PRRC2B: variants seen among roughly 807,000 people sequenced by gnomAD.
PRRC2B encodes proline rich coiled-coil 2B.
In PRRC2B, 68 loss-of-function variants were observed where a neutral mutation model predicts 242.3. That is an observed-to-expected ratio of 0.28 (90% CI 0.23 to 0.34). The LOEUF (loss-of-function observed/expected upper bound fraction) is 0.34. Ranked by LOEUF, PRRC2B falls within the 10% of genes least tolerant of loss-of-function variation. The pLI, the probability that PRRC2B is intolerant of heterozygous loss-of-function variation, is 1.00. For missense variants in PRRC2B, 2,835 were observed against 2,954.8 expected (o/e 0.96, Z 0.94); for synonymous variants, 1,228 against 1,173.6 (o/e 1.05, Z -0.95).
At chr9:131,423,666 T>C (rs1442314190) in intron 1 of PRRC2B, among the ~76,000 whole-genome samples, 2 of 152,222 alleles carry the variant, frequency 1.3e-5, no homozygotes, top group African/African-American at 4.8e-5. Flanking sequence ...AGGCAGTAAC[T>C]GTTCTGGGCT....
At chr9:131,491,631 C>T (rs1944198363) in intron 29 of PRRC2B, 51 bp downstream of exon 29, 1 of 1,506,322 alleles carries the variant, frequency 6.6e-7, no homozygotes, top group Non-Finnish European at 8.9e-7. Context: ...CTTGTGTCAC[C>T]AACTTTTTCT....
At chr9:131,483,238 A>G in intron 22 of PRRC2B, 121 bp from the exon 23 acceptor site, 1 of 942,340 alleles carries the variant, frequency 1.1e-6, no homozygotes, top group Non-Finnish European at 1.7e-6. Context: ...ATGTGGCTCC[A>G]GTGAATGCTG....
At chr9:131,489,761 C>T (rs1247673467) in intron 28 of PRRC2B, among the ~76,000 whole-genome samples, 3 of 152,132 alleles carry the variant, frequency 2.0e-5, no homozygotes, top group Non-Finnish European at 4.4e-5. Flanking sequence ...GGGGCCCTGC[C>T]CCAGCACATC....
Position 131,466,767 on chromosome 9 carries a change from G to T in PRRC2B, c.1721-796G>T, listed in dbSNP as rs566615981. 8.6e-5 allele frequency among the ~76,000 whole-genome samples: 13 copies of T among 152,028 alleles called. No individual in the cohort carries two copies. In the East Asian group the frequency reaches 2.3e-3, roughly 27 times the overall value. On this transcript the variant is annotated intron_variant, in intron 12 of 31. Transcript: ENST00000683519. ...CCCATATAGCTGGGATTACAGGCGA[G>T]CGCCACCATGCCTGGCTAATTTTTG...
chr9:131,492,718 C>T (rs1027929934), intron 30 of PRRC2B, among the ~76,000 whole-genome samples: 6 of 152,204 alleles, frequency 3.9e-5, no homozygotes, highest in African/African-American at 1.4e-4. Flanking sequence ...GGGGCCATTC[C>T]TTCCATGCTA....
Position 131,470,825 on chromosome 9 carries a change from AC to A in PRRC2B, c.1955del (p.Pro652ArgfsTer24), listed in dbSNP as rs1452197257. On this transcript the variant is annotated frameshift_variant, in exon 14 of 32. Coordinates refer to ENST00000683519, the MANE Select transcript of PRRC2B (RefSeq NM_013318.4). LOFTEE classifies it high-confidence loss of function. Reference protein sequence around the residue: ...LYKMQHWQPVYPPPSHPQRTF... With the variant: ...LYKMQHWQPVXPPPSHPQRTF... The stretch of plus-strand genomic sequence containing the variant: ...AAGATGCAGCACTGGCAGCCGGTGT[AC>A]CCCCCGCCGTCCCACCCCCAGCGCA... 1 of 1,608,392 alleles carries A rather than the reference AC, an allele frequency of 6.2e-7. No individual in the cohort carries two copies. Among genetic ancestry groups the A allele is most frequent in the Non-Finnish European group, 8.5e-7 (1 of 1,177,306 alleles).
rs1838710044 is a variant in PRRC2B at position 131,444,195 on chromosome 9, C to T, written c.480C>T (p.Gly160=). 3.1e-6 allele frequency: 5 copies of T among 1,613,988 alleles called. No homozygotes were observed. The highest frequency in any genetic ancestry group is 4.2e-6 in the Non-Finnish European group (5 of 1,179,872). Residue 160 remains glycine, a synonymous_variant, in exon 6 of 32, where the codon GGC becomes GGT. Transcript: ENST00000683519. ...KPVGHEGGLR[G]SSRLLSFSPE... is the part of the protein sequence containing the mutation. ...CCGTCTTCTTGACAGGTTTAAGGGG[C>T]TCAAGCCGACTGTTATCCTTCTCTC... is the stretch of plus-strand genomic sequence containing the variant.
chr9:131,401,223 A>G (rs1415319098), intron 1 of PRRC2B, among the ~76,000 whole-genome samples: 1 of 152,146 alleles, frequency 6.6e-6, no homozygotes, highest in Non-Finnish European at 1.5e-5. Flanking sequence ...TTTTAAGTGT[A>G]CAGTTGAGTG....
At position 131,425,572 on chromosome 9, in the gene PRRC2B, T is replaced by C. The variant is rs1398325169; in HGVS notation, c.-51-4522T>C. 2.0e-5 allele frequency among the ~76,000 whole-genome samples: 3 copies of C among 151,742 alleles called. No homozygotes were observed. In the East Asian group the frequency reaches 6.0e-4, roughly 30 times the overall value. Reference sequence around the variant, plus strand: ...GGCGCGATCTCAGCTCACTGCAAGCTCCCCTTCTGGGTTCATGCCATTCTC... The same window carrying C: ...GGCGCGATCTCAGCTCACTGCAAGCCCCCCTTCTGGGTTCATGCCATTCTC... On this transcript the variant is annotated intron_variant, in intron 1 of 31. Coordinates refer to ENST00000683519, the MANE Select transcript of PRRC2B (RefSeq NM_013318.4).
Position 131,475,698 on chromosome 9 carries a change from G to T in PRRC2B, c.3569G>T (p.Gly1190Val). The T allele has an allele frequency of 6.2e-7, 1 of 1,612,982 alleles. No homozygotes were observed. The highest frequency in any genetic ancestry group is 8.5e-7 in the Non-Finnish European group (1 of 1,179,644). ...AAGGGGTGCTCTGAGGACCACAGCG[G>T]TCTAGATGCCAAGAGCCGAGGCCCT... ...SNKGCSEDHS[G>V]LDAKSRGPRA... The change falls in exon 16 of 32, where the codon GGT becomes GTT. Residue 1190 changes from glycine to valine, a missense_variant. Physicochemically the swap from Gly to Val is moderately radical, Grantham distance 109 (BLOSUM62 -3). Transcript: ENST00000683519.
intron 13 of PRRC2B, 59 bp from the exon 14 acceptor site, chr9:131,470,729 G>T (rs981860063): frequency 1.4e-6 from 2 of 1,420,694 alleles, no homozygotes; most frequent in African/African-American, 2.8e-5. Context: ...CGTGTGTTGG[G>T]TGGCATCTCT....
intron 3 of PRRC2B, among the ~76,000 whole-genome samples, chr9:131,435,956 T>C (rs1490559033): frequency 6.6e-6 from 1 of 152,228 alleles, no homozygotes; most frequent in African/African-American, 2.4e-5. Flanking sequence ...GATCATGATG[T>C]TCTGTGTTAC....
At chr9:131,403,967 G>A (rs1008894781) in intron 1 of PRRC2B, among the ~76,000 whole-genome samples, 1 of 151,748 alleles carries the variant, frequency 6.6e-6, no homozygotes, top group Non-Finnish European at 1.5e-5. Flanking sequence ...AGGGATGTGG[G>A]GGTGGGTCTC....
In PRRC2B at chr9:131,476,408, G is replaced by A. The variant is rs201739719; in HGVS notation, c.4279G>A (p.Val1427Met). Reference protein sequence around the residue: ...AKRSFSSQRPVVDRQSRKLEP... With the variant: ...AKRSFSSQRPMVDRQSRKLEP... ...GAGGAGCTTCTCCAGTCAGAGACCC[G>A]TGGTTGACAGACAGAGCCGAAAGCT... The change falls in exon 16 of 32, where the codon GTG (valine) becomes ATG (methionine). Residue 1427 changes from valine (V) to methionine (M), a missense_variant. By Grantham distance (21) the Val-to-Met change is conservative (BLOSUM62 1). Transcript: ENST00000683519. The A allele has an allele frequency of 8.1e-5, 130 of 1,609,614 alleles. No individual in the cohort carries two copies. The highest frequency in any genetic ancestry group is 3.3e-4 in the Middle Eastern group (2 of 6,060).
chr9:131,478,631 A>AGGGGGGGGGGGG lies in PRRC2B; in HGVS notation c.4758+15_4758+16insGGGGGGGGGGGG. 5.0e-6 allele frequency: 1 copy of AGGGGGGGGGGGG among 200,900 alleles called. No individual in the cohort carries two copies. 12.4% of individuals were successfully genotyped at this position (200,900 alleles called of 1,614,324 possible). On this transcript the variant is annotated intron_variant, in intron 18 of 31. Transcript: ENST00000683519. ...AGCAGGCCGTGCAGGTGAGGGGCGG[A>AGGGGGGGGGGGG]GGGTGGGGGGGCATGGGGCTGGAGG...
chr9:131,381,891 C>T (rs1225415203), intron 1 of PRRC2B, among the ~76,000 whole-genome samples: 1 of 151,812 alleles, frequency 6.6e-6, no homozygotes, highest in Non-Finnish European at 1.5e-5. Context: ...GGGCACGTAC[C>T]ACCATGCCTG....
intron 1 of PRRC2B, among the ~76,000 whole-genome samples, chr9:131,426,713 C>T (rs1195390885): frequency 6.6e-6 from 1 of 152,204 alleles, no homozygotes; most frequent in Non-Finnish European, 1.5e-5. Context: ...GGTCAAGCAG[C>T]TGCTGGCAGG....
intron 30 of PRRC2B, 150 bp downstream of exon 30, chr9:131,492,410 G>T: frequency 1.6e-6 from 1 of 622,362 alleles, no homozygotes; most frequent in Admixed American, 2.7e-5. Context: ...TTCAGCACTG[G>T]GATGCACTTG....
intron 22 of PRRC2B, 27 bp from the exon 23 acceptor site, chr9:131,483,332 G>A (rs41317004): frequency 0.12 from 198,563 of 1,604,114 alleles, 14,271 homozygotes; most frequent in Non-Finnish European, 0.14. Context: ...ATCTCAGTGG[G>A]CTGTGTGGCC....
Sources: gnomAD v4.1 joint callset for allele counts (sites outside exome capture counted in the v4.1 genomes callset) on GRCh38, gnomAD v4.1.1 for gene constraint, MANE v1.5 for transcripts, NCBI Gene and HGNC (gene_info 2026-07-23, HGNC 2026-07-21) for gene names.